The following SASH1 variants were observed in gnomAD, a reference collection of about 807,000 sequenced individuals.
SASH1 encodes the protein SAM and SH3 domain-containing protein 1.
In SASH1, 44 loss-of-function variants were observed where a neutral mutation model predicts 125.2. That is an observed-to-expected ratio of 0.35 (90% CI 0.28 to 0.45). The LOEUF is 0.45. Among genes scored for constraint, SASH1 ranks in the 20% least tolerant of loss-of-function variants. The pLI is 1.00. For synonymous variants in SASH1, 639 were observed against 649.1 expected (o/e 0.98, Z 0.24); for missense variants, 1,426 against 1,614.5 (o/e 0.88, Z 2.00).
intron 10 of SASH1, among the ~76,000 whole-genome samples, chr6:148,520,984 A>G (rs1780771218): frequency 6.6e-6 from 1 of 152,316 alleles, no homozygotes; most frequent in South Asian, 2.1e-4. Context: ...AAACAAATCA[A>G]CATTTGGAAA....
At chr6:148,498,157 G>C (rs1488690517) in intron 8 of SASH1, among the ~76,000 whole-genome samples, 1 of 151,820 alleles carries the variant, frequency 6.6e-6, no homozygotes. Context: ...GCCAAGGTGG[G>C]TGGATTGCCT....
At chr6:148,437,525 A>G (rs186978422) in intron 2 of SASH1, among the ~76,000 whole-genome samples, 86 of 152,340 alleles carry the variant, frequency 5.6e-4, no homozygotes, top group Admixed American at 3.7e-3. Flanking sequence ...TTAACATTAT[A>G]TGTCAAACTA....
At chr6:148,212,138 G>A in the SASH1 span, among the ~76,000 whole-genome samples, 34 of 152,182 alleles carry the variant, frequency 2.2e-4, no homozygotes, top group South Asian at 4.1e-4. Flanking sequence ...TGGAGCTGTC[G>A]CCAGAAGGGT....
chr6:148,437,139 T>G (rs1431759075), intron 2 of SASH1, among the ~76,000 whole-genome samples: 2 of 152,226 alleles, frequency 1.3e-5, no homozygotes, highest in East Asian at 3.8e-4. Context: ...TCTTCTGCTC[T>G]TTTGTCATTG....
the SASH1 span, among the ~76,000 whole-genome samples, chr6:148,233,780 G>A: frequency 3.6e-5 from 4 of 110,884 alleles, no homozygotes; most frequent in African/African-American, 1.3e-4. Flanking sequence ...GGACATGGTG[G>A]CACACACCTG....
upstream of SASH1, among the ~76,000 whole-genome samples, chr6:148,268,106 C>G (rs1778985784): frequency 6.6e-6 from 1 of 152,106 alleles, no homozygotes; most frequent in African/African-American, 2.4e-5. Flanking sequence ...CCTGAACTTT[C>G]TAGTTCAGGA....
intron 4 of SASH1, among the ~76,000 whole-genome samples, chr6:148,460,646 G>T (rs1267755516): frequency 6.6e-6 from 1 of 152,170 alleles, no homozygotes; most frequent in African/African-American, 2.4e-5. Flanking sequence ...TTAGTAGACA[G>T]TGTGCCATAC....
chr6:148,456,145 G>T (rs1210169028), intron 4 of SASH1, among the ~76,000 whole-genome samples: 2 of 152,162 alleles, frequency 1.3e-5, no homozygotes, highest in African/African-American at 4.8e-5. Context: ...CAAGGAGGAG[G>T]TTCTTGAATG....
intron 1 of SASH1, among the ~76,000 whole-genome samples, chr6:148,357,027 G>A (rs1022977038): frequency 1.3e-5 from 2 of 152,048 alleles, no homozygotes; most frequent in African/African-American, 4.8e-5. Flanking sequence ...ACTTTTTGAT[G>A]GGATTATTTG....
chr6:148,233,651 T>C, the SASH1 span, among the ~76,000 whole-genome samples: 1 of 148,316 alleles, frequency 6.7e-6, no homozygotes, highest in Non-Finnish European at 1.5e-5. Flanking sequence ...TCGCAGCACT[T>C]TGGGAGGCCA....
intron 1 of SASH1, among the ~76,000 whole-genome samples, chr6:148,346,557 A>G (rs575094936): frequency 7.9e-5 from 12 of 151,904 alleles, no homozygotes; most frequent in African/African-American, 2.2e-4. Context: ...TCATTTTTCT[A>G]TCTCCAGTGC....
chr6:148,400,981 A>G lies in SASH1; in HGVS notation c.285+10719A>G, dbSNP rs140366815. Among the ~76,000 whole-genome samples, 1,298 of 152,230 alleles carry G rather than the reference A, an allele frequency of 8.5e-3. 14 individuals are homozygous for G. Among genetic ancestry groups the G allele is most frequent in the Non-Finnish European group, 0.01 (706 of 68,022 alleles). On this transcript the variant is annotated intron_variant, in intron 2 of 19. Coordinates refer to ENST00000367467, the MANE Select transcript of SASH1 (RefSeq NM_015278.5). The stretch of plus-strand genomic sequence containing the variant: ...TGGTGTTGGCCAGGTGTGGTGGCTC[A>G]TGACTGTAATCCCAGCACTTTGGGA...
Position 148,471,413 on chromosome 6 carries a change from T to TTTA in SASH1, c.428-4_428-3insTTA. On this transcript the variant is annotated splice_region_variant and splice_polypyrimidine_tract_variant and intron_variant, in intron 5 of 19. Coordinates refer to ENST00000367467, the MANE Select transcript of SASH1 (RefSeq NM_015278.5). ...TTTTTTTTTTTTTTTTTTTTTTTTTTAAGGAAAAGGAGACTGGAAGAAGAA... is the reference window on the plus strand; with the variant it reads ...TTTTTTTTTTTTTTTTTTTTTTTTTTTTAAAGGAAAAGGAGACTGGAAGAAGAA... 2.0e-6 allele frequency: 2 copies of TTTA among 990,578 alleles called. No individual in the cohort carries two copies. The highest frequency in any genetic ancestry group is 2.9e-6 in the Non-Finnish European group (2 of 701,208). 61.4% of individuals were successfully genotyped at this position (990,578 alleles called of 1,614,324 possible).
intron 1 of SASH1, among the ~76,000 whole-genome samples, chr6:148,320,933 C>T (rs532661385): frequency 5.9e-5 from 9 of 152,326 alleles, no homozygotes; most frequent in Admixed American, 5.9e-4. Context: ...TCCTTCAGTA[C>T]TTCTTACTAA....
chr6:148,526,157 C>A (rs1781145857), intron 11 of SASH1, among the ~76,000 whole-genome samples: 1 of 147,494 alleles, frequency 6.8e-6, no homozygotes, highest in African/African-American at 2.5e-5. Context: ...CTCCCAGATC[C>A]CAGTTAAGCA....
At chr6:148,317,481 A>G (rs1284392782) in intron 1 of SASH1, among the ~76,000 whole-genome samples, 2 of 152,138 alleles carry the variant, frequency 1.3e-5, no homozygotes, top group African/African-American at 2.4e-5. Flanking sequence ...CTGGAGTGCA[A>G]TGGCACGACC....
chr6:148,376,518 A>T (rs565493023), intron 1 of SASH1, among the ~76,000 whole-genome samples: 138 of 152,258 alleles, frequency 9.1e-4, no homozygotes, highest in Non-Finnish European at 1.5e-3. Context: ...AAAGGAATAT[A>T]TGCATGTTTT....
intron 4 of SASH1, among the ~76,000 whole-genome samples, chr6:148,455,367 G>A (rs554019462): frequency 6.6e-5 from 10 of 152,284 alleles, no homozygotes; most frequent in Admixed American, 1.3e-4. Flanking sequence ...AGCACAGGTC[G>A]AGTTGGGGGC....
At chr6:148,297,217 A>G (rs937781804) in intron 1 of SASH1, among the ~76,000 whole-genome samples, 1 of 152,210 alleles carries the variant, frequency 6.6e-6, no homozygotes, top group Non-Finnish European at 1.5e-5. Flanking sequence ...ACTACAAAGG[A>G]GAGACCCTGT....
Sources: gnomAD v4.1 joint callset for allele counts (sites outside exome capture counted in the v4.1 genomes callset) on GRCh38, gnomAD v4.1.1 for gene constraint, MANE v1.5 for transcripts, NCBI Gene and HGNC (gene_info 2026-07-23, HGNC 2026-07-21) for gene names.